BANK1: variants seen among roughly 807,000 people sequenced by gnomAD.
BANK1 encodes B-cell scaffold protein with ankyrin repeats.
A neutral mutation model predicts 94.5 loss-of-function variants in BANK1; 95 were observed. That is an observed-to-expected ratio of 1.00 (90% CI 0.85 to 1.19). The LOEUF is 1.19. Ranked by LOEUF, BANK1 falls within the 50% of genes most tolerant of loss-of-function variation. The probability of loss-of-function intolerance (pLI) is 0.00; values close to 1 mark genes in which losing one functional copy is unlikely to be tolerated. For missense variants in BANK1, 987 were observed against 932.2 expected, an observed-to-expected ratio of 1.06 and a Z score of -0.77; for synonymous variants, 334 against 308.4, an observed-to-expected ratio of 1.08 and a Z score of -0.87.
At chr4:101,998,559 G>T (rs1024353871) in intron 7 of BANK1, among the ~76,000 whole-genome samples, 13 of 152,120 alleles carry the variant, frequency 8.5e-5, no homozygotes, top group Non-Finnish European at 1.5e-5. Context: ...AAGTGTCTTT[G>T]TAGGTTTCTA....
chr4:102,005,583 A>C (rs2148938645), intron 7 of BANK1, among the ~76,000 whole-genome samples: 1 of 152,244 alleles, frequency 6.6e-6, no homozygotes, highest in South Asian at 2.1e-4. Flanking sequence ...GATTGTTTTC[A>C]TTCATGGAAA....
At chr4:101,794,758 T>C (rs978727414) in intron 1 of BANK1, among the ~76,000 whole-genome samples, 18 of 152,152 alleles carry the variant, frequency 1.2e-4, no homozygotes, top group African/African-American at 4.1e-4. Flanking sequence ...GAAATCTCTT[T>C]GTTGTTTCTA....
intron 7 of BANK1, among the ~76,000 whole-genome samples, chr4:102,018,058 G>A (rs1254875074): frequency 1.3e-5 from 2 of 152,098 alleles, no homozygotes; most frequent in African/African-American, 4.8e-5. Flanking sequence ...AACATTAAAA[G>A]ATGTAATTAG....
At chr4:101,867,223 A>G (rs1204900695) in intron 4 of BANK1, among the ~76,000 whole-genome samples, 2 of 151,788 alleles carry the variant, frequency 1.3e-5, no homozygotes, top group Admixed American at 1.3e-4. Context: ...CTCTTCAGAA[A>G]CCACACAAGC....
intron 7 of BANK1, among the ~76,000 whole-genome samples, chr4:101,998,261 ACT>A (rs1725947869): frequency 6.6e-6 from 1 of 152,118 alleles, no homozygotes; most frequent in Admixed American, 6.6e-5. Context: ...TTCTAATTTG[ACT>A]GCACTATTTT....
chr4:101,791,069 A>G lies in BANK1; in HGVS notation c.70+119A>G, dbSNP rs952441454. The stretch of plus-strand genomic sequence containing the variant: ...GCACTGAGGCCAGGGCGTCCCTGAG[A>G]CAGGGCTTCTCCTTTTTATCCTGCC... On this transcript the variant is annotated intron_variant, in intron 1 of 16. Transcript: ENST00000322953. The G allele has an allele frequency of 3.8e-4, 311 of 808,054 alleles. 1 individual carries two copies. In the African/African-American group the frequency reaches 5.4e-3, roughly 14 times the overall value. The allele number at this position is 808,054 out of a possible 1,614,324, so 50.1% of individuals were successfully genotyped here.
chr4:101,927,776 T>C (rs1230442650), intron 7 of BANK1, among the ~76,000 whole-genome samples: 1 of 151,664 alleles, frequency 6.6e-6, no homozygotes. Context: ...AATGGTTTGT[T>C]AAGAAAAATC....
At chr4:101,986,825 ATATATATGTATATATATG>A (rs2148929804) in intron 7 of BANK1, among the ~76,000 whole-genome samples, 2 of 118,900 alleles carry the variant, frequency 1.7e-5, no homozygotes, top group South Asian at 5.9e-4. Flanking sequence ...ATATATGTGT[ATATATATGTATATATATG>A]TGTATATATA....
chr4:101,796,435 G>A (rs919877743), intron 1 of BANK1, among the ~76,000 whole-genome samples: 6 of 151,974 alleles, frequency 3.9e-5, no homozygotes, highest in African/African-American at 7.2e-5. Context: ...TGTCTTCTAC[G>A]TATCTTCCAT....
chr4:101,913,985 T>G (rs1394992284), intron 6 of BANK1, among the ~76,000 whole-genome samples: 1 of 152,222 alleles, frequency 6.6e-6, no homozygotes, highest in African/African-American at 2.4e-5. Flanking sequence ...TTTCAAATCT[T>G]AAGCGTACAA....
chr4:101,941,942 C>T (rs1009146267), intron 7 of BANK1, among the ~76,000 whole-genome samples: 17 of 151,766 alleles, frequency 1.1e-4, no homozygotes, highest in African/African-American at 4.1e-4. Context: ...ACTGAAACTC[C>T]TCAACCATGA....
intron 6 of BANK1, among the ~76,000 whole-genome samples, chr4:101,912,772 G>A (rs1722707235): frequency 6.6e-6 from 1 of 151,586 alleles, no homozygotes; most frequent in Non-Finnish European, 1.5e-5. Context: ...GCTTCCAAAG[G>A]CGTCTTAAGT....
intron 7 of BANK1, among the ~76,000 whole-genome samples, chr4:102,002,094 A>C (rs1351714129): frequency 1.3e-5 from 2 of 152,222 alleles, no homozygotes; most frequent in Admixed American, 6.5e-5. Flanking sequence ...CAGTGCCTGC[A>C]GCACCCAACA....
chr4:101,890,228 G>T (rs1289413342), intron 5 of BANK1, among the ~76,000 whole-genome samples: 1 of 151,954 alleles, frequency 6.6e-6, no homozygotes, highest in Non-Finnish European at 1.5e-5. Flanking sequence ...ATTTTTTCCT[G>T]ATTTTCTGTC....
intron 7 of BANK1, among the ~76,000 whole-genome samples, chr4:102,013,738 A>G (rs1726598715): frequency 6.6e-6 from 1 of 151,854 alleles, no homozygotes; most frequent in Admixed American, 6.6e-5. Context: ...CTTTATTTTT[A>G]ATCTTTATAT....
At chr4:101,809,793 A>C (rs1261712319) in intron 1 of BANK1, among the ~76,000 whole-genome samples, 1 of 152,218 alleles carries the variant, frequency 6.6e-6, no homozygotes, top group Admixed American at 6.5e-5. Context: ...TTACTTCAAA[A>C]GGCTTTAGGA....
chr4:102,046,095 A>C (rs1318888629), intron 11 of BANK1, among the ~76,000 whole-genome samples: 3 of 151,170 alleles, frequency 2.0e-5, no homozygotes, highest in Non-Finnish European at 4.4e-5. Context: ...CAAAACAGAG[A>C]TATAGATCAA....
Position 101,852,362 on chromosome 4 carries a change from G to A in BANK1, c.470-2673G>A, listed in dbSNP as rs188124809. The stretch of plus-strand genomic sequence containing the variant: ...TTTCAGTGTAGAAAAATCAGAATAT[G>A]TATTACATATACTGTATTATTAGAT... On this transcript the variant is annotated intron_variant, in intron 2 of 16. Coordinates refer to ENST00000322953, the MANE Select transcript of BANK1 (RefSeq NM_017935.5). Among the ~76,000 whole-genome samples, 990 of 148,676 alleles carry A rather than the reference G, an allele frequency of 6.7e-3. 11 individuals are homozygous for A. Among genetic ancestry groups the A allele is most frequent in the African/African-American group, 0.023 (953 of 40,706 alleles).
At chr4:101,877,310 C>T (rs1417163520) in intron 5 of BANK1, among the ~76,000 whole-genome samples, 1 of 152,012 alleles carries the variant, frequency 6.6e-6, no homozygotes, top group East Asian at 1.9e-4. Context: ...AAAAGGATGT[C>T]TGTGAGCAAT....
Sources: gnomAD v4.1 joint callset for allele counts (sites outside exome capture counted in the v4.1 genomes callset) on GRCh38, gnomAD v4.1.1 for gene constraint, MANE v1.5 for transcripts, NCBI Gene and HGNC (gene_info 2026-07-23, HGNC 2026-07-21) for gene names.